The following SCAF8 variants were observed in gnomAD, a reference collection of about 807,000 sequenced individuals.
SCAF8 encodes the protein SR-related CTD associated factor 8.
In SCAF8, 23 loss-of-function variants were observed where a neutral mutation model predicts 140.5. The observed-to-expected ratio is 0.16, with a 90% CI of 0.12 to 0.23. SCAF8 has a LOEUF of 0.23. Among genes scored for constraint, SCAF8 ranks in the 10% least tolerant of loss-of-function variants. The probability of loss-of-function intolerance (pLI) is 1.00; values close to 1 mark genes in which losing one functional copy is unlikely to be tolerated. For missense variants in SCAF8, 1,397 were observed against 1,555.7 expected, an observed-to-expected ratio of 0.90 and a Z score of 1.72; for synonymous variants, 575 against 528.9, an observed-to-expected ratio of 1.09 and a Z score of -1.20.
chr6:154,743,132 T>C (rs1778613974), intron 1 of SCAF8, among the ~76,000 whole-genome samples: 2 of 152,222 alleles, frequency 1.3e-5, no homozygotes, highest in African/African-American at 4.8e-5. Context: ...GCTTCTTTGC[T>C]AGGGACTATG....
intron 1 of SCAF8, among the ~76,000 whole-genome samples, chr6:154,745,219 G>C (rs780027791): frequency 6.6e-6 from 1 of 152,076 alleles, no homozygotes; most frequent in Non-Finnish European, 1.5e-5. Context: ...TTTTAGAATT[G>C]CTTTAATATT....
chr6:154,737,709 G>C (rs919471519), intron 1 of SCAF8, among the ~76,000 whole-genome samples: 1 of 151,958 alleles, frequency 6.6e-6, no homozygotes, highest in African/African-American at 2.4e-5. Flanking sequence ...CAGAAAAATT[G>C]AGACAGGTAC....
chr6:154,794,778 GGGGTGT>G lies in SCAF8; in HGVS notation c.476-229_476-224del, dbSNP rs1562449825. On this transcript the variant is annotated intron_variant, in intron 5 of 19. Transcript: ENST00000367178. ...TTTTGGTGGGGGGGGGGGGGTGTGG[GGGGTGT>G]GTGTGTGTGTGTGTGTGTGTGTGTG... 9.3e-3 allele frequency among the ~76,000 whole-genome samples: 637 copies of G among 68,512 alleles called. 47 individuals carry two copies. Among genetic ancestry groups the G allele is most frequent in the South Asian group, 0.012 (23 of 1,988 alleles). 44.9% of individuals were successfully genotyped at this position (68,512 alleles called of 152,430 possible). A position where few individuals can be genotyped will look rare whatever the true frequency, so the allele number is the denominator to read the frequency against.
At chr6:154,800,368 T>TA (rs1223283375) in intron 6 of SCAF8, among the ~76,000 whole-genome samples, 2 of 151,614 alleles carry the variant, frequency 1.3e-5, no homozygotes, top group African/African-American at 4.8e-5. Context: ...GTGTTGGAGA[T>TA]ACAAAGGATA....
intron 1 of SCAF8, among the ~76,000 whole-genome samples, chr6:154,749,573 G>A (rs959485103): frequency 6.6e-6 from 1 of 152,180 alleles, no homozygotes; most frequent in Non-Finnish European, 1.5e-5. Context: ...TGTCACCTAT[G>A]TATAGTTTGT....
At chr6:154,742,619 GTCTT>G (rs1444219566) in intron 1 of SCAF8, among the ~76,000 whole-genome samples, 1 of 152,012 alleles carries the variant, frequency 6.6e-6, no homozygotes, top group East Asian at 1.9e-4. Context: ...CATTTGTTTT[GTCTT>G]TCTAATTTTG....
intron 2 of SCAF8, among the ~76,000 whole-genome samples, chr6:154,776,946 C>T (rs1445272288): frequency 6.6e-5 from 10 of 152,124 alleles, no homozygotes; most frequent in South Asian, 2.1e-4. Context: ...TTTGGGAGGC[C>T]GAGGTGGGTG....
chr6:154,807,601 G>T (rs1441427159), intron 9 of SCAF8, among the ~76,000 whole-genome samples: 2 of 152,124 alleles, frequency 1.3e-5, no homozygotes, highest in African/African-American at 4.8e-5. Context: ...GGCTGGTCTT[G>T]AACTTCTCAC....
intron 13 of SCAF8, 140 bp downstream of exon 13, chr6:154,815,956 A>G: frequency 2.0e-6 from 1 of 493,784 alleles, no homozygotes; most frequent in Non-Finnish European, 3.7e-6. Flanking sequence ...TTACTTTGAT[A>G]ATGTCTGTGT....
intron 2 of SCAF8, among the ~76,000 whole-genome samples, chr6:154,774,731 C>T (rs1420466856): frequency 6.6e-6 from 1 of 152,116 alleles, no homozygotes; most frequent in African/African-American, 2.4e-5. Context: ...AACCTTTGCT[C>T]TCATAAAGTA....
chr6:154,783,420 A>C (rs927139771), intron 3 of SCAF8, among the ~76,000 whole-genome samples: 1 of 152,196 alleles, frequency 6.6e-6, no homozygotes, highest in Admixed American at 6.5e-5. Context: ...TCTGGCTCTG[A>C]AAGTGGTCTG....
rs1308978408 is a variant in SCAF8 at position 154,748,318 on chromosome 6, G to C, written c.30+14388G>C. On this transcript the variant is annotated intron_variant, in intron 1 of 19. Coordinates refer to ENST00000367178, the MANE Select transcript of SCAF8 (RefSeq NM_014892.5). ...GGCTTTAATGAATAAATGAGAAGGA[G>C]AATAATTACTATCCAAAGTTGGGAG... Among the ~76,000 whole-genome samples the C allele has an allele frequency of 2.6e-5, 4 of 152,186 alleles. No individual in the cohort carries two copies. The East Asian group carries it at 5.8e-4, about 22-fold the overall frequency.
At chr6:154,769,468 CAGTAGGATGTACTT>C (rs1199672141) in intron 1 of SCAF8, among the ~76,000 whole-genome samples, 1 of 152,178 alleles carries the variant, frequency 6.6e-6, no homozygotes, top group Non-Finnish European at 1.5e-5. Flanking sequence ...ATATAAACAG[CAGTAGGATGTACTT>C]TCACATGGCT....
intron 19 of SCAF8, 22 bp downstream of exon 19, chr6:154,831,162 T>TA: frequency 1.4e-6 from 2 of 1,426,186 alleles, no homozygotes; most frequent in South Asian, 1.3e-5. Context: ...TAATAAAATT[T>TA]AAAAAAAGAG....
chr6:154,769,166 T>G (rs905395048), intron 1 of SCAF8, among the ~76,000 whole-genome samples: 4 of 152,084 alleles, frequency 2.6e-5, no homozygotes, highest in African/African-American at 9.7e-5. Context: ...TGAAACATAA[T>G]GTATTATCCA....
At chr6:154,746,048 G>A (rs1778691693) in intron 1 of SCAF8, among the ~76,000 whole-genome samples, 1 of 152,148 alleles carries the variant, frequency 6.6e-6, no homozygotes, top group South Asian at 2.1e-4. Flanking sequence ...ACCATGCCTG[G>A]ATAATTTTTG....
intron 1 of SCAF8, among the ~76,000 whole-genome samples, chr6:154,761,627 C>T (rs1009303215): frequency 6.6e-6 from 1 of 152,184 alleles, no homozygotes; most frequent in Non-Finnish European, 1.5e-5. Flanking sequence ...TCTGTAACAT[C>T]TCCTTTTGGC....
intron 2 of SCAF8, among the ~76,000 whole-genome samples, chr6:154,775,685 A>G (rs922628545): frequency 1.3e-5 from 2 of 152,130 alleles, no homozygotes; most frequent in Non-Finnish European, 2.9e-5. Flanking sequence ...CAGGAGGATC[A>G]CTTGAACCCA....
chr6:154,827,228 G>A lies in SCAF8; in HGVS notation c.2128G>A (p.Val710Ile). ...PVVPPPTIPP[V>I]VPTSLVQPSL... ...TGTGCCACCCCCTACGATTCCACCA[G>A]TAGTACCAACATGTAAGTTTTCTAC... Residue 710 changes from valine to isoleucine, a missense_variant, in exon 18 of 20, where the codon GTA (valine) becomes ATA (isoleucine). By Grantham distance (29) the Val-to-Ile change is conservative. This residue lies in a region of SCAF8 where 930 missense variants were observed against 874.6 expected (regional missense o/e 1.06). Coordinates refer to ENST00000367178, the MANE Select transcript of SCAF8 (RefSeq NM_014892.5). The A allele has an allele frequency of 1.9e-6, 3 of 1,601,962 alleles. No individual in the cohort carries two copies. The highest frequency in any genetic ancestry group is 1.3e-5 in the African/African-American group (1 of 74,196).
Sources: allele counts gnomAD v4.1 joint callset (sites outside exome capture counted in the v4.1 genomes callset), GRCh38; gene constraint gnomAD v4.1.1; regional missense constraint gnomAD v4.1.1; transcripts MANE v1.5; gene names NCBI Gene and HGNC (gene_info 2026-07-23, HGNC 2026-07-21).